SHLD1: variants seen among roughly 807,000 people sequenced by gnomAD.
SHLD1 encodes RINN1-REV7-interacting novel NHEJ regulator 3.
Under a neutral mutation model 5.5 loss-of-function variants are expected in SHLD1, and 3 were observed. The ratio of observed to expected loss-of-function variants is 0.54; its 90% CI spans 0.25 to 1.40. The LOEUF (loss-of-function observed/expected upper bound fraction) is 1.40. Ranked by LOEUF, SHLD1 falls within the 40% of genes most tolerant of loss-of-function variation. The pLI is 0.15. For synonymous variants in SHLD1, 92 were observed against 94.3 expected, an observed-to-expected ratio of 0.98 and a Z score of 0.14; for missense variants, 210 against 244.4, an observed-to-expected ratio of 0.86 and a Z score of 0.94.
chr20:5,794,353 T>C (rs1031666091), intron 2 of SHLD1, among the ~76,000 whole-genome samples: 3 of 152,132 alleles, frequency 2.0e-5, no homozygotes, highest in African/African-American at 7.2e-5. Context: ...CTGGATTCAC[T>C]TCTTTCTTGA....
chr20:5,796,822 C>G (rs1217316039), intron 2 of SHLD1, among the ~76,000 whole-genome samples: 1 of 147,882 alleles, frequency 6.8e-6, no homozygotes. Flanking sequence ...GGACAAGACC[C>G]TGTCTCAGAA....
At chr20:5,784,940 A>G in intron 2 of SHLD1, among the ~76,000 whole-genome samples, 1 of 152,184 alleles carries the variant, frequency 6.6e-6, no homozygotes, top group East Asian at 1.9e-4. Flanking sequence ...TACTGTCTCA[A>G]GCCACACCTC....
chr20:5,847,513 A>G (rs2087946555), intron 2 of SHLD1, among the ~76,000 whole-genome samples: 1 of 152,228 alleles, frequency 6.6e-6, no homozygotes, highest in Non-Finnish European at 1.5e-5. Flanking sequence ...AAATCAGACA[A>G]AAATGTTTTC....
chr20:5,858,056 G>A (rs557075551), intron 2 of SHLD1, among the ~76,000 whole-genome samples: 10 of 146,952 alleles, frequency 6.8e-5, no homozygotes, highest in East Asian at 2.0e-4. Context: ...CCAAGATCGC[G>A]CCACTGCACT....
chr20:5,756,152 G>A (rs902582847), intron 1 of SHLD1, among the ~76,000 whole-genome samples: 25 of 151,892 alleles, frequency 1.6e-4, no homozygotes, highest in African/African-American at 5.1e-4. Flanking sequence ...TTCCATCATC[G>A]CCTGAACTAG....
In SHLD1 at chr20:5,784,100, G is replaced by A. The variant is rs149491889; in HGVS notation, c.178+11057G>A. Among the ~76,000 whole-genome samples the A allele has an allele frequency of 9.8e-3, 1,478 of 151,370 alleles. 28 individuals carry two copies. Among genetic ancestry groups the A allele is most frequent in the African/African-American group, 0.034 (1,404 of 41,232 alleles). On this transcript the variant is annotated intron_variant, in intron 2 of 2. Transcript: ENST00000303142. ...CGGGAGGCGGAGGTTGCAGTGAGCC[G>A]AGATGGCGCCACGGGCACTCCAGCC... is the stretch of plus-strand genomic sequence containing the variant.
rs77639636 is a variant in SHLD1 at position 5,785,406 on chromosome 20, G to A, written c.178+12363G>A. Among the ~76,000 whole-genome samples the A allele has an allele frequency of 8.1e-3, 1,239 of 152,292 alleles. 19 individuals are homozygous for A. The highest frequency in any genetic ancestry group is 0.028 in the African/African-American group (1,181 of 41,568). On this transcript the variant is annotated intron_variant, in intron 2 of 2. Coordinates refer to ENST00000303142, the MANE Select transcript of SHLD1 (RefSeq NM_152504.4). ...ATATTAATGTTACCCACAGACTGGTGGAAATCTGAGACTCAAACCTGGGTC... is the reference window on the plus strand; with the variant it reads ...ATATTAATGTTACCCACAGACTGGTAGAAATCTGAGACTCAAACCTGGGTC...
chr20:5,751,853 A>G (rs1280125558), intron 1 of SHLD1, among the ~76,000 whole-genome samples: 2 of 152,178 alleles, frequency 1.3e-5, no homozygotes, highest in Non-Finnish European at 2.9e-5. Flanking sequence ...ACATAAATCA[A>G]TACATGGAAG....
At chr20:5,861,489 T>C (rs1219256436) in intron 2 of SHLD1, among the ~76,000 whole-genome samples, 1 of 152,232 alleles carries the variant, frequency 6.6e-6, no homozygotes, top group Non-Finnish European at 1.5e-5. Flanking sequence ...AAATAAGTGT[T>C]GAATGGATGA....
intron 2 of SHLD1, among the ~76,000 whole-genome samples, chr20:5,856,558 A>G (rs549487636): frequency 1.5e-3 from 227 of 152,348 alleles, no homozygotes; most frequent in Middle Eastern, 6.8e-3. Context: ...GGCCCCTCAT[A>G]TACTAAAAAT....
rs950318003 is a variant in SHLD1 at position 5,806,218 on chromosome 20, A to C, written c.178+33175A>C. Among the ~76,000 whole-genome samples the C allele has an allele frequency of 6.6e-6, 1 of 152,186 alleles. No homozygotes were observed. The highest frequency in any genetic ancestry group is 1.5e-5 in the Non-Finnish European group (1 of 68,028). ...TTATCTGTTTTATGGGGACAATAAT[A>C]TCTACCTGATGGGTGGACACATAGT... On this transcript the variant is annotated intron_variant, in intron 2 of 2. Coordinates refer to ENST00000303142, the MANE Select transcript of SHLD1 (RefSeq NM_152504.4). The surrounding 1 kb of genome is among the most constrained non-coding windows in gnomAD (Gnocchi z 7.6).
At position 5,806,412 on chromosome 20, in the gene SHLD1, A is replaced by G. The variant is rs1183795556; in HGVS notation, c.178+33369A>G. ...TCTATCACTTACCCCATCCTTTGTGATGGTTTTGAAGCACTGATCATTTTC... is the reference window on the plus strand; with the variant it reads ...TCTATCACTTACCCCATCCTTTGTGGTGGTTTTGAAGCACTGATCATTTTC... On this transcript the variant is annotated intron_variant, in intron 2 of 2. Transcript: ENST00000303142. The surrounding 1 kb of genome is among the most constrained non-coding windows in gnomAD (Gnocchi z 7.6). Among the ~76,000 whole-genome samples, 1 of 152,224 alleles carries G rather than the reference A, an allele frequency of 6.6e-6. No homozygotes were observed. The highest frequency in any genetic ancestry group is 1.5e-5 in the Non-Finnish European group (1 of 68,040).
intron 2 of SHLD1, among the ~76,000 whole-genome samples, chr20:5,809,810 C>T (rs2087433494): frequency 6.6e-6 from 1 of 152,046 alleles, no homozygotes; most frequent in Non-Finnish European, 1.5e-5. Context: ...CTGCAATGCA[C>T]AGAATAGTTC....
intron 2 of SHLD1, among the ~76,000 whole-genome samples, chr20:5,836,097 T>G (rs73081226): frequency 0.054 from 7,395 of 137,254 alleles, 234 homozygotes; most frequent in Middle Eastern, 0.079. Context: ...AACTGGTTGT[T>G]TTTTTTTTTT....
intron 2 of SHLD1, among the ~76,000 whole-genome samples, chr20:5,793,460 T>C (rs2122312670): frequency 6.6e-6 from 1 of 152,336 alleles, no homozygotes; most frequent in Middle Eastern, 3.4e-3. Context: ...TTTTTTTTGA[T>C]GTATAGAGAT....
intron 2 of SHLD1, among the ~76,000 whole-genome samples, chr20:5,828,315 G>C (rs2087689798): frequency 2.7e-5 from 2 of 73,434 alleles, no homozygotes. Context: ...CTAGACCTTA[G>C]AACAGTGTGA....
intron 2 of SHLD1, among the ~76,000 whole-genome samples, chr20:5,790,618 A>AT (rs1350923300): frequency 2.6e-5 from 4 of 151,530 alleles, no homozygotes; most frequent in South Asian, 2.1e-4. Flanking sequence ...ATGCCCGGCT[A>AT]TTTTTTTGTA....
chr20:5,861,320 T>TCCTGTGTCATATAGTCACA (rs1188695184), intron 2 of SHLD1, among the ~76,000 whole-genome samples: 1 of 152,266 alleles, frequency 6.6e-6, no homozygotes, highest in African/African-American at 2.4e-5. Flanking sequence ...TTCATATCTA[T>TCCTGTGTCATATAGTCACA]GTACATCCTG....
At chr20:5,765,765 A>C (rs1247005692) in intron 1 of SHLD1, among the ~76,000 whole-genome samples, 1 of 134,650 alleles carries the variant, frequency 7.4e-6, no homozygotes, top group South Asian at 2.4e-4. Context: ...TATACGCACA[A>C]ATCCTTTTTT....
Sources: allele counts gnomAD v4.1 joint callset (sites outside exome capture counted in the v4.1 genomes callset), GRCh38; gene constraint gnomAD v4.1.1; non-coding constraint Gnocchi (gnomAD v3.1); transcripts MANE v1.5; gene names NCBI Gene and HGNC (gene_info 2026-07-23, HGNC 2026-07-21).